The following ZFAND3 variants were observed in gnomAD, a reference collection of about 807,000 sequenced individuals.
The protein encoded by ZFAND3 is AN1-type zinc finger protein 3.
A neutral mutation model predicts 29.6 loss-of-function variants in ZFAND3; 10 were observed. The observed-to-expected ratio is 0.34, with a 90% CI of 0.21 to 0.57. The LOEUF (loss-of-function observed/expected upper bound fraction) is 0.57. Ranked by LOEUF, ZFAND3 falls within the 20% of genes least tolerant of loss-of-function variation. The pLI, the probability that ZFAND3 is intolerant of heterozygous loss-of-function variation, is 0.86. For synonymous variants in ZFAND3, 128 were observed against 112.6 expected, an observed-to-expected ratio of 1.14 and a Z score of -0.87; for missense variants, 230 against 304.5, an observed-to-expected ratio of 0.76 and a Z score of 1.82.
chr6:38,029,953 T>C (rs867656553), intron 2 of ZFAND3, among the ~76,000 whole-genome samples: 8 of 151,334 alleles, frequency 5.3e-5, no homozygotes, highest in African/African-American at 1.5e-4. Flanking sequence ...TATTTAGTGC[T>C]TTTCATTTCT....
chr6:38,138,665 C>T (rs1765889837), intron 5 of ZFAND3, among the ~76,000 whole-genome samples: 1 of 152,150 alleles, frequency 6.6e-6, no homozygotes, highest in South Asian at 2.1e-4. Context: ...TCTAACTAGA[C>T]CTCTAATAAA....
At chr6:37,820,795 A>G (rs910239752) in intron 1 of ZFAND3, among the ~76,000 whole-genome samples, 7 of 152,130 alleles carry the variant, frequency 4.6e-5, no homozygotes, top group African/African-American at 1.4e-4. Flanking sequence ...TGGGTAGCAT[A>G]TATTGTTTGG....
chr6:38,137,875 T>C (rs1437811799), intron 5 of ZFAND3, among the ~76,000 whole-genome samples: 1 of 152,138 alleles, frequency 6.6e-6, no homozygotes, highest in East Asian at 1.9e-4. Flanking sequence ...CAGAGCACAG[T>C]GCGTTGCGGG....
chr6:38,011,217 G>T (rs1362707493), intron 2 of ZFAND3, among the ~76,000 whole-genome samples: 1 of 152,068 alleles, frequency 6.6e-6, no homozygotes, highest in East Asian at 1.9e-4. Context: ...GGATATTTGG[G>T]TTATTTCCAG....
intron 1 of ZFAND3, among the ~76,000 whole-genome samples, chr6:37,899,561 A>G (rs1581745526): frequency 6.6e-6 from 1 of 152,182 alleles, no homozygotes; most frequent in East Asian, 1.9e-4. Flanking sequence ...ATTTAGATGT[A>G]TATTTGTATT....
At chr6:37,833,058 G>A (rs1223164584) in intron 1 of ZFAND3, 1 of 152,088 alleles carries the variant, frequency 6.6e-6, no homozygotes, top group Non-Finnish European at 1.5e-5. Context: ...ATGGTCCTTT[G>A]TTCATGGCAG....
At chr6:38,108,090 GAA>G in intron 4 of ZFAND3, among the ~76,000 whole-genome samples, 1 of 152,220 alleles carries the variant, frequency 6.6e-6, no homozygotes, top group South Asian at 2.1e-4. Flanking sequence ...ACTATAGACT[GAA>G]TATTAAATAT....
chr6:38,047,690 C>G (rs1463995064), intron 2 of ZFAND3, among the ~76,000 whole-genome samples: 1 of 152,120 alleles, frequency 6.6e-6, no homozygotes, highest in Non-Finnish European at 1.5e-5. Flanking sequence ...ACTTTAAGAG[C>G]TGTTAGGTGG....
At chr6:38,084,424 A>G (rs1207737367) in intron 4 of ZFAND3, among the ~76,000 whole-genome samples, 1 of 152,204 alleles carries the variant, frequency 6.6e-6, no homozygotes, top group East Asian at 1.9e-4. Flanking sequence ...AAAAAATAAT[A>G]TGCTCACCTA....
chr6:38,149,111 C>T (rs1766168829), intron 5 of ZFAND3, among the ~76,000 whole-genome samples: 2 of 152,024 alleles, frequency 1.3e-5, no homozygotes, highest in African/African-American at 4.8e-5. Context: ...CTGCCTTGGC[C>T]TCTCAAAGTG....
At chr6:37,966,626 T>A (rs1269576224) in intron 2 of ZFAND3, among the ~76,000 whole-genome samples, 1 of 152,176 alleles carries the variant, frequency 6.6e-6, no homozygotes, top group African/African-American at 2.4e-5. Context: ...ACCATAACTT[T>A]GCTGGAACCA....
At chr6:37,820,883 C>T (rs1452098053) in intron 1 of ZFAND3, among the ~76,000 whole-genome samples, 1 of 152,186 alleles carries the variant, frequency 6.6e-6, no homozygotes, top group Non-Finnish European at 1.5e-5. Flanking sequence ...TTTAAATTCT[C>T]CTGGTAACAC....
In ZFAND3 at chr6:37,824,027, C is replaced by T. The variant is rs552732911; in HGVS notation, c.71+4011C>T. ...CCGACCTCAGGTGATCCTCCCGCCT[C>T]GGCTTCCCAAAGTGCTGGGATTACC... On this transcript the variant is annotated intron_variant, in intron 1 of 5. Coordinates refer to ENST00000287218, the MANE Select transcript of ZFAND3 (RefSeq NM_021943.3). 3.9e-5 allele frequency among the ~76,000 whole-genome samples: 6 copies of T among 152,326 alleles called. No homozygotes were observed. The South Asian group carries it at 1.2e-3, about 32-fold the overall frequency.
rs16890299 is a variant in ZFAND3, at chr6:37,992,279, A to G, written c.112+62280A>G. On this transcript the variant is annotated intron_variant, in intron 2 of 5. Transcript: ENST00000287218. The stretch of plus-strand genomic sequence containing the variant: ...ATCAGCATTTAATTTATCTTTTGCT[A>G]CTGAGAGAAAATGATGATTTGGGTG... 0.017 allele frequency among the ~76,000 whole-genome samples: 2,582 copies of G among 152,310 alleles called. 252 individuals are homozygous for G. The East Asian group carries it at 0.28, about 16-fold the overall frequency.
chr6:37,986,067 C>A (rs1180721494), intron 2 of ZFAND3, among the ~76,000 whole-genome samples: 1 of 152,158 alleles, frequency 6.6e-6, no homozygotes, highest in Non-Finnish European at 1.5e-5. Context: ...TCTGCAGATA[C>A]GTTTGATTTG....
intron 5 of ZFAND3, among the ~76,000 whole-genome samples, chr6:38,150,315 C>T (rs1011145715): frequency 1.3e-5 from 2 of 152,342 alleles, no homozygotes; most frequent in South Asian, 2.1e-4. Flanking sequence ...TAGAGTCAAA[C>T]ATACTGCCCT....
chr6:37,923,717 T>G (rs1581764915), intron 1 of ZFAND3, among the ~76,000 whole-genome samples: 1 of 152,174 alleles, frequency 6.6e-6, no homozygotes, highest in East Asian at 1.9e-4. Context: ...TATGATGCCA[T>G]TAGGTGACAG....
At chr6:38,044,108 A>G (rs17649027) in intron 2 of ZFAND3, among the ~76,000 whole-genome samples, 2,546 of 152,334 alleles carry the variant, frequency 0.017, 32 homozygotes, top group Non-Finnish European at 0.025. Context: ...CCATCTCAAC[A>G]AAAACTAATC....
chr6:37,819,885 G>T lies in ZFAND3; in HGVS notation c.-61G>T, dbSNP rs1581685116. 4 of 1,117,952 alleles carry T rather than the reference G, an allele frequency of 3.6e-6. No homozygotes were observed. The Admixed American group carries it at 1.9e-4, about 53-fold the overall frequency. 69.3% of individuals were successfully genotyped at this position (1,117,952 alleles called of 1,614,324 possible). On this transcript the variant is annotated 5_prime_UTR_variant, in exon 1 of 6. Transcript: ENST00000287218. ...GCCGCCGCCACCGCCTCCTCAGAGC[G>T]GGGCCCGGGCCCAGCCGCCGCCACC...
Sources: gnomAD v4.1 joint callset for allele counts (sites outside exome capture counted in the v4.1 genomes callset) on GRCh38, gnomAD v4.1.1 for gene constraint, MANE v1.5 for transcripts, NCBI Gene and HGNC (gene_info 2026-07-23, HGNC 2026-07-21) for gene names.